WDFY3: variants seen among roughly 807,000 people sequenced by gnomAD.
WDFY3 encodes WD repeat and FYVE domain-containing protein 3.
WDFY3 carries 66 observed loss-of-function variants against 409.6 expected under a neutral mutation model. The ratio of observed to expected loss-of-function variants is 0.16; its 90% CI spans 0.13 to 0.20. The LOEUF (loss-of-function observed/expected upper bound fraction) is 0.20. WDFY3 is among the 10% of genes least tolerant of loss of function. The probability of loss-of-function intolerance (pLI) is 1.00; values close to 1 mark genes in which losing one functional copy is unlikely to be tolerated. For missense variants in WDFY3, 3,031 were observed against 4,298.1 expected (o/e 0.71, Z 8.24); for synonymous variants, 1,521 against 1,537.1 (o/e 0.99, Z 0.25).
intron 5 of WDFY3, among the ~76,000 whole-genome samples, chr4:84,845,055 C>G (rs557701298): frequency 6.6e-6 from 1 of 152,310 alleles, no homozygotes; most frequent in East Asian, 1.9e-4. Context: ...AACAACAGAA[C>G]TGCACATAAG....
chr4:84,803,055 CAGA>C lies in WDFY3; in HGVS notation c.2607+232_2607+234del, dbSNP rs1362487437. On this transcript the variant is annotated intron_variant, in intron 16 of 67. Coordinates refer to ENST00000295888, the MANE Select transcript of WDFY3 (RefSeq NM_014991.6). ...AGGAGAAACAGAATTATTCTAGCAC[CAGA>C]AGAAGCCACCTTGGTTGTCTTTGTA... Among the ~76,000 whole-genome samples, 8 of 152,290 alleles carry C rather than the reference CAGA, an allele frequency of 5.3e-5. No homozygotes were observed. In the South Asian group the frequency reaches 1.7e-3, roughly 32 times the overall value.
intron 3 of WDFY3, 77 bp downstream of exon 3, chr4:84,896,834 G>A (rs1049639995): frequency 6.6e-6 from 1 of 152,100 alleles, no homozygotes; most frequent in Admixed American, 6.5e-5. Context: ...ATAATTAACA[G>A]TCTTTGTTTA....
At chr4:84,870,886 T>TA (rs34424987) in intron 3 of WDFY3, among the ~76,000 whole-genome samples, 43,435 of 144,416 alleles carry the variant, frequency 0.3, 6,416 homozygotes, top group East Asian at 0.44. Flanking sequence ...AACAGGGCTC[T>TA]AAAAAAAAAA....
chr4:84,842,232 T>A (rs2150038812), intron 5 of WDFY3, among the ~76,000 whole-genome samples: 1 of 152,202 alleles, frequency 6.6e-6, no homozygotes, highest in East Asian at 1.9e-4. Context: ...ATCCCAGCAC[T>A]TTGGGAGGCC....
chr4:84,961,854 A>G (rs893064024), intron 1 of WDFY3, among the ~76,000 whole-genome samples: 7 of 152,244 alleles, frequency 4.6e-5, no homozygotes, highest in African/African-American at 1.4e-4. Context: ...ATGTAAAATG[A>G]TATCACCATT....
chr4:84,778,535 T>G lies in WDFY3; in HGVS notation c.4486A>C (p.Thr1496Pro), dbSNP rs1323057994. The G allele has an allele frequency of 6.2e-7, 1 of 1,607,026 alleles. No individual in the cohort carries two copies. Among genetic ancestry groups the G allele is most frequent in the African/African-American group, 1.3e-5 (1 of 74,684 alleles). Residue 1496 changes from threonine (T) to proline (P), a missense_variant, in exon 27 of 68, where the codon ACT becomes CCT. Physicochemically the swap from Thr to Pro is conservative, Grantham distance 38 (BLOSUM62 -1). Coordinates refer to ENST00000295888, the MANE Select transcript of WDFY3 (RefSeq NM_014991.6). ...GHETSIIPNS[T>P]AFQDLLCDFE... ...TCACAGAGGAGGTCCTGGAAAGCAG[T>G]TGAATTTGGAATAATGGAGGTCTCA...
chr4:84,789,986 T>G, intron 21 of WDFY3, 79 bp from the exon 22 acceptor site: 1 of 1,441,214 alleles, frequency 6.9e-7, no homozygotes, highest in Non-Finnish European at 9.5e-7. Context: ...GATCAGCATG[T>G]TTTGACTTTA....
intron 64 of WDFY3, among the ~76,000 whole-genome samples, chr4:84,681,969 A>G (rs538415267): frequency 6.6e-6 from 1 of 152,322 alleles, no homozygotes; most frequent in South Asian, 2.1e-4. Flanking sequence ...TACAAACACA[A>G]TTGTATCTGT....
Position 84,789,926 on chromosome 4 carries a change from GACATAAAA to G in WDFY3, c.3488-27_3488-20del, listed in dbSNP as rs767318309. The G allele has an allele frequency of 1.2e-6, 2 of 1,612,742 alleles. No individual in the cohort carries two copies. The highest frequency in any genetic ancestry group is 3.3e-5 in the Admixed American group (2 of 59,832). ...TCATCAACTGAAATAAAGGGGGGAA[GACATAAAA>G]ACTTTTTCCAACACCATCCCTATTC... On this transcript the variant is annotated intron_variant, in intron 21 of 67. Transcript: ENST00000295888.
In WDFY3 at chr4:84,696,808, C is replaced by T; in HGVS notation, c.8612G>A (p.Gly2871Asp). Reference sequence around the variant, plus strand: ...AAGGATAACATCTCCAAGCTTGGTGCCATTTTGTTTACAGCCTATGCAATT... The same window carrying T: ...AAGGATAACATCTCCAAGCTTGGTGTCATTTTGTTTACAGCCTATGCAATT... The part of the protein sequence containing the change: ...NNFDLGCKQN[G>D]TKLGDVILPP... Residue 2871 changes from glycine (G) to aspartate (D), a missense_variant, in exon 57 of 68, where the codon GGC becomes GAC. Physicochemically the swap from Gly to Asp is moderately conservative, Grantham distance 94. Coordinates refer to ENST00000295888, the MANE Select transcript of WDFY3 (RefSeq NM_014991.6). 1 of 1,613,298 alleles carries T rather than the reference C, an allele frequency of 6.2e-7. No individual in the cohort carries two copies. Among genetic ancestry groups the T allele is most frequent in the Non-Finnish European group, 8.5e-7 (1 of 1,179,678 alleles).
At chr4:84,943,719 C>CA (rs1030954111) in intron 1 of WDFY3, among the ~76,000 whole-genome samples, 28 of 151,676 alleles carry the variant, frequency 1.8e-4, no homozygotes, top group Non-Finnish European at 2.9e-4. Context: ...CAAAACAAAA[C>CA]AAAAAAAACT....
chr4:84,882,365 A>G (rs1273250897), intron 3 of WDFY3, among the ~76,000 whole-genome samples: 1 of 152,170 alleles, frequency 6.6e-6, no homozygotes, highest in Non-Finnish European at 1.5e-5. Context: ...GTTTCTTTAT[A>G]TTCAACTTTT....
In WDFY3 at chr4:84,852,362, CCAAAACCATGAAAAG is replaced by C. The variant is rs1031749641; in HGVS notation, c.181-2352_181-2338del. Among the ~76,000 whole-genome samples, 19 of 152,048 alleles carry C rather than the reference CCAAAACCATGAAAAG, an allele frequency of 1.2e-4. 1 individual carries two copies. Among genetic ancestry groups the C allele is most frequent in the African/African-American group, 4.6e-4 (19 of 41,382 alleles). On this transcript the variant is annotated intron_variant, in intron 4 of 67. Transcript: ENST00000295888. ...CTTAATATTTTCAGACCACAGATGACCAAAACCATGAAAAGCAAAACCATGAATAAGGAGGGATTA... is the reference window on the plus strand; with the variant it reads ...CTTAATATTTTCAGACCACAGATGACCAAAACCATGAATAAGGAGGGATTA...
intron 30 of WDFY3, among the ~76,000 whole-genome samples, chr4:84,768,015 C>T (rs1023557611): frequency 1.3e-5 from 2 of 151,986 alleles, no homozygotes; most frequent in East Asian, 1.9e-4. Flanking sequence ...CCCAGGAGGC[C>T]GAGGCTGCAG....
At chr4:84,952,189 A>G (rs946349937) in intron 1 of WDFY3, among the ~76,000 whole-genome samples, 2 of 152,164 alleles carry the variant, frequency 1.3e-5, no homozygotes, top group African/African-American at 2.4e-5. Flanking sequence ...CATCCTCCTG[A>G]AAGTAAAAAC....
intron 36 of WDFY3, 140 bp downstream of exon 36, chr4:84,751,343 C>A: frequency 1.1e-6 from 1 of 877,228 alleles, no homozygotes; most frequent in African/African-American, 1.7e-5. Context: ...GGATTAAGAA[C>A]TTTCCACAGC....
intron 44 of WDFY3, among the ~76,000 whole-genome samples, chr4:84,732,172 G>T (rs1323146008): frequency 1.3e-5 from 2 of 152,144 alleles, no homozygotes; most frequent in African/African-American, 2.4e-5. Flanking sequence ...GAATAGCTTT[G>T]AGAAAAGTAG....
intron 45 of WDFY3, among the ~76,000 whole-genome samples, chr4:84,724,967 G>A (rs1322418020): frequency 6.6e-6 from 1 of 152,164 alleles, no homozygotes; most frequent in African/African-American, 2.4e-5. Flanking sequence ...TAGTCTGTGA[G>A]GAGCCTGGAA....
In WDFY3 at chr4:84,876,312, T is replaced by C. The variant is rs1762775373; in HGVS notation, c.-31-15690A>G. Among the ~76,000 whole-genome samples, 2 of 152,210 alleles carry C rather than the reference T, an allele frequency of 1.3e-5. 1 individual carries two copies. Among genetic ancestry groups the C allele is most frequent in the South Asian group, 4.1e-4 (2 of 4,834 alleles). On this transcript the variant is annotated intron_variant, in intron 3 of 67. Transcript: ENST00000295888. ...GTAGTCTGTTACAGAATATTCATCATTAAGAGAGACAGTATAACATATTAG... is the reference window on the plus strand; with the variant it reads ...GTAGTCTGTTACAGAATATTCATCACTAAGAGAGACAGTATAACATATTAG...
Sources: allele counts gnomAD v4.1 joint callset (sites outside exome capture counted in the v4.1 genomes callset), GRCh38; gene constraint gnomAD v4.1.1; transcripts MANE v1.5; gene names NCBI Gene and HGNC (gene_info 2026-07-23, HGNC 2026-07-21).